The following EPB42 variants were observed in gnomAD, a reference collection of about 807,000 sequenced individuals.
EPB42 encodes the protein erythrocyte membrane protein band 4.2, also known as protein 4.2.
EPB42 carries 49 observed loss-of-function variants against 76.9 expected under a neutral mutation model. The observed-to-expected ratio is 0.64, with a 90% CI of 0.51 to 0.81. The LOEUF (loss-of-function observed/expected upper bound fraction) is 0.81, where lower values mean the gene tolerates loss of function less well. EPB42 is among the 30% of genes least tolerant of loss of function. EPB42 has a pLI of 0.00. For synonymous variants in EPB42, 310 were observed against 338.4 expected (o/e 0.92, Z 0.92); for missense variants, 731 against 867.6 (o/e 0.84, Z 1.98).
intron 3 of EPB42, among the ~76,000 whole-genome samples, chr15:43,212,106 G>A (rs544029589): frequency 2.6e-5 from 4 of 152,012 alleles, no homozygotes; most frequent in South Asian, 2.1e-4. Context: ...GGTGGCTCAC[G>A]CCTGTAATCC....
chr15:43,209,241 G>A (rs754629625), intron 6 of EPB42, 33 bp downstream of exon 6: 2 of 1,612,982 alleles, frequency 1.2e-6, no homozygotes, highest in South Asian at 2.2e-5. Context: ...AACCCAGGAG[G>A]CAGGGCACTC....
At position 43,203,180 on chromosome 15, in the gene EPB42, CAG is replaced by C. The variant is rs1409920110; in HGVS notation, c.1712_1713del (p.Ser571Ter). 2 of 1,613,806 alleles carry C rather than the reference CAG, an allele frequency of 1.2e-6. No individual in the cohort carries two copies. Among genetic ancestry groups the C allele is most frequent in the African/African-American group, 1.3e-5 (1 of 74,826 alleles). On this transcript the variant is annotated frameshift_variant, in exon 11 of 13. Transcript: ENST00000441366. LOFTEE classifies it high-confidence loss of function. ...TGAGCAAAGCAGCTAAGGTTGGATTCAGAGTGTGTTGCCATGGCGGTGAGTCT... is the reference window on the plus strand; with the variant it reads ...TGAGCAAAGCAGCTAAGGTTGGATTCAGTGTGTTGCCATGGCGGTGAGTCT... ...FLRLTAMATH[S>X]ESNLSCFAQE...
chr15:43,223,060 G>A (rs942326521), upstream of EPB42, among the ~76,000 whole-genome samples: 2 of 152,212 alleles, frequency 1.3e-5, no homozygotes, highest in African/African-American at 2.4e-5. Context: ...GCTCACACCT[G>A]TAATCCCAGA....
chr15:43,217,515 G>A (rs987587265), intron 1 of EPB42, among the ~76,000 whole-genome samples: 1 of 149,680 alleles, frequency 6.7e-6, no homozygotes, highest in Non-Finnish European at 1.5e-5. Flanking sequence ...TGTTCAGCAA[G>A]CGCAAGATAA....
At chr15:43,207,782 A>T (rs1164424438) in intron 8 of EPB42, among the ~76,000 whole-genome samples, 1 of 152,196 alleles carries the variant, frequency 6.6e-6, no homozygotes, top group Non-Finnish European at 1.5e-5. Flanking sequence ...AGCACTTACT[A>T]GGTGCCAGGC....
rs2042210520 is a variant in EPB42, at chr15:43,206,702, C to CA, written c.1319-74dup. ...ATGCTTCTAATAAAACCCTGGGAAT[C>CA]AAAACCATTTACCCACTTCTGCTCA... On this transcript the variant is annotated intron_variant, in intron 9 of 12. Coordinates refer to ENST00000441366, the MANE Select transcript of EPB42 (RefSeq NM_001114134.2). This position sits in a 1 kb window ranked among gnomAD's most constrained non-coding sequence, Gnocchi z 4.7. 37 of 1,571,134 alleles carry CA rather than the reference C, an allele frequency of 2.4e-5. No homozygotes were observed. The highest frequency in any genetic ancestry group is 3.1e-5 in the Non-Finnish European group (36 of 1,146,872).
intron 1 of EPB42, among the ~76,000 whole-genome samples, chr15:43,218,384 C>T (rs2042409794): frequency 6.6e-6 from 1 of 152,194 alleles, no homozygotes. Flanking sequence ...TCTTCTCTAC[C>T]TGGCAGATGT....
Position 43,207,398 on chromosome 15 carries a change from C to G in EPB42, c.1119G>C (p.Glu373Asp), listed in dbSNP as rs762460371. 2 of 1,614,034 alleles carry G rather than the reference C, an allele frequency of 1.2e-6. No homozygotes were observed. Among genetic ancestry groups the G allele is most frequent in the Non-Finnish European group, 1.7e-6 (2 of 1,180,038 alleles). Residue 373 changes from glutamate (E) to aspartate (D), a missense_variant, in exon 9 of 13, where the codon GAG (glutamate) becomes GAC (aspartate). Transcript: ENST00000441366. ...CDLVPVRAVK[E>D]GTLGLTPAVS... The stretch of plus-strand genomic sequence containing the variant: ...CTGCTGGGGTCAGCCCCAGCGTCCC[C>G]TCCTTGACTGCTCTGACCGGCACCA...
At chr15:43,202,657 A>G (rs2042143849) in intron 11 of EPB42, among the ~76,000 whole-genome samples, 1 of 152,222 alleles carries the variant, frequency 6.6e-6, no homozygotes, top group Non-Finnish European at 1.5e-5. Context: ...GCCAGGGTAG[A>G]CACATGGAAA....
At chr15:43,215,036 C>T in intron 3 of EPB42, 59 bp downstream of exon 3, 2 of 1,464,990 alleles carry the variant, frequency 1.4e-6, no homozygotes, top group Non-Finnish European at 1.9e-6. Context: ...CAGAGCTGCA[C>T]CCCAGCTCCA....
At chr15:43,220,650 C>G (rs1370468422) in intron 1 of EPB42, 166 bp downstream of exon 1, 6 of 263,238 alleles carry the variant, frequency 2.3e-5, no homozygotes, top group South Asian at 2.2e-4. Context: ...ACCTACCACA[C>G]CCCCCCCCCA....
chr15:43,210,377 C>T lies in EPB42; in HGVS notation c.612G>A (p.Lys204=). 1.2e-6 allele frequency: 2 copies of T among 1,613,996 alleles called. No individual in the cohort carries two copies. The highest frequency in any genetic ancestry group is 1.1e-5 in the South Asian group (1 of 91,086). The change falls in exon 5 of 13, where the codon AAG becomes AAA. Residue 204 remains lysine, a synonymous_variant. Coordinates refer to ENST00000441366, the MANE Select transcript of EPB42 (RefSeq NM_001114134.2). The stretch of plus-strand genomic sequence containing the variant: ...GGGCCACGTGCACCGGCTGGCTCCA[C>T]TTCTCTACCTGCTTGTCCTTGCTCA... The part of the protein sequence containing the change: ...RLLSKDKQVE[K]WSQPVHVARV...
chr15:43,222,475 A>C (rs2042471492), upstream of EPB42, among the ~76,000 whole-genome samples: 1 of 152,242 alleles, frequency 6.6e-6, no homozygotes, highest in African/African-American at 2.4e-5. Context: ...AAAAAGGAAG[A>C]TCACCATCCT....
chr15:43,211,628 G>C (rs1468754713), intron 3 of EPB42, 94 bp from the exon 4 acceptor site: 1 of 870,056 alleles, frequency 1.1e-6, no homozygotes, highest in East Asian at 2.4e-5. Flanking sequence ...ATTAGGTTTG[G>C]CTGCAGGCCA....
Position 43,203,346 on chromosome 15 carries a change from A to G in EPB42, c.1619-71T>C. 4 of 1,594,394 alleles carry G rather than the reference A, an allele frequency of 2.5e-6. 1 individual carries two copies. The Middle Eastern group carries it at 5.0e-4, about 198-fold the overall frequency. ...CCCAGAAACAGCCATAGTTACACAC[A>G]CAATACAAAGGACTCAGGGCCTCAC... On this transcript the variant is annotated intron_variant, in intron 10 of 12. Coordinates refer to ENST00000441366, the MANE Select transcript of EPB42 (RefSeq NM_001114134.2).
At chr15:43,218,365 C>G (rs1297005975) in intron 1 of EPB42, among the ~76,000 whole-genome samples, 1 of 152,104 alleles carries the variant, frequency 6.6e-6, no homozygotes, top group Non-Finnish European at 1.5e-5. Context: ...CTAGAAGGCT[C>G]CCACCATCTC....
chr15:43,218,152 A>G (rs1567284228), intron 1 of EPB42, among the ~76,000 whole-genome samples: 1 of 152,098 alleles, frequency 6.6e-6, no homozygotes, highest in Non-Finnish European at 1.5e-5. Flanking sequence ...ACCAAAAACG[A>G]TTCCTCTTTC....
intron 5 of EPB42, chr15:43,209,725 TGGTTTCACC>T: frequency 4.7e-6 from 2 of 425,498 alleles, no homozygotes; most frequent in East Asian, 7.8e-5. Context: ...CCTTGGGGGC[TGGTTTCACC>T]GGTTCTTAGT....
rs1436897234 is a variant in EPB42 at position 43,215,203 on chromosome 15, T to C, written c.322A>G (p.Thr108Ala). 2 of 1,614,212 alleles carry C rather than the reference T, an allele frequency of 1.2e-6. No homozygotes were observed. Among genetic ancestry groups the C allele is most frequent in the Non-Finnish European group, 1.7e-6 (2 of 1,180,036 alleles). ...DAQSWTISVT[T>A]PADAVIGHYS... is the part of the protein sequence containing the mutation. ...TGGCCAATGACAGCGTCCGCAGGTG[T>C]GGTCACAGAGATGGTCCAGGACTGG... The change falls in exon 3 of 13, where the codon ACA (threonine) becomes GCA (alanine). Residue 108 changes from threonine to alanine, a missense_variant. Transcript: ENST00000441366.
Sources: gnomAD v4.1 joint callset for allele counts (sites outside exome capture counted in the v4.1 genomes callset) on GRCh38, gnomAD v4.1.1 for gene constraint, Gnocchi (gnomAD v3.1) non-coding constraint, MANE v1.5 for transcripts, NCBI Gene and HGNC (gene_info 2026-07-23, HGNC 2026-07-21) for gene names.